The following R3HDM2 variants were observed in gnomAD, a reference collection of about 807,000 sequenced individuals.
The protein encoded by R3HDM2 is R3H domain-containing protein 2.
A neutral mutation model predicts 124.5 loss-of-function variants in R3HDM2; 38 were observed. The ratio of observed to expected loss-of-function variants is 0.31; its 90% CI spans 0.24 to 0.40. The LOEUF is 0.40. Among genes scored for constraint, R3HDM2 ranks in the 10% least tolerant of loss-of-function variants. The pLI, the probability that R3HDM2 is intolerant of heterozygous loss-of-function variation, is 1.00. For missense variants in R3HDM2, 869 were observed against 1,236.9 expected (o/e 0.70, Z 4.46); for synonymous variants, 391 against 448.0 (o/e 0.87, Z 1.61).
intron 17 of R3HDM2, 87 bp from the exon 18 acceptor site, chr12:57,268,544 A>G: frequency 7.3e-7 from 1 of 1,371,588 alleles, no homozygotes; most frequent in Non-Finnish European, 1.0e-6. Flanking sequence ...AGATCAGGGC[A>G]TTACAACTTC....
intron 2 of R3HDM2, among the ~76,000 whole-genome samples, chr12:57,349,592 G>A (rs1339801675): frequency 1.4e-5 from 2 of 147,744 alleles, no homozygotes; most frequent in Non-Finnish European, 3.0e-5. Context: ...ACAGAGTCTC[G>A]CTCTGTCGCC....
intron 2 of R3HDM2, among the ~76,000 whole-genome samples, chr12:57,386,445 TAGCACCTGGGCA>T (rs2065804482): frequency 6.6e-6 from 1 of 152,234 alleles, no homozygotes; most frequent in Non-Finnish European, 1.5e-5. Context: ...GTGAGGGGCT[TAGCACCTGGGCA>T]AGCAGCTGCT....
chr12:57,428,725 T>TA (rs1199305491), intron 1 of R3HDM2, among the ~76,000 whole-genome samples: 1 of 150,418 alleles, frequency 6.6e-6, no homozygotes, highest in Non-Finnish European at 1.5e-5. Flanking sequence ...AATTTTCCAT[T>TA]AAAAAATATT....
chr12:57,326,151 C>G (rs948940351), intron 2 of R3HDM2, among the ~76,000 whole-genome samples: 2 of 152,200 alleles, frequency 1.3e-5, no homozygotes, highest in African/African-American at 2.4e-5. Flanking sequence ...TCCCCGATCT[C>G]TCTCCCTCTC....
intron 1 of R3HDM2, among the ~76,000 whole-genome samples, chr12:57,403,598 C>T (rs1048065909): frequency 6.6e-6 from 1 of 152,016 alleles, no homozygotes; most frequent in Non-Finnish European, 1.5e-5. Context: ...TGCTTGAGCT[C>T]AGGAATTCGA....
intron 2 of R3HDM2, among the ~76,000 whole-genome samples, chr12:57,365,691 T>G (rs2062555883): frequency 6.6e-6 from 1 of 152,170 alleles, no homozygotes; most frequent in Non-Finnish European, 1.5e-5. Context: ...ATCCCAGCAC[T>G]TTGGGAAGCT....
At chr12:57,418,962 T>C (rs2069918764) in intron 1 of R3HDM2, among the ~76,000 whole-genome samples, 1 of 152,212 alleles carries the variant, frequency 6.6e-6, no homozygotes, top group Non-Finnish European at 1.5e-5. Context: ...GCCAGTTTCC[T>C]TTGTAAAATA....
chr12:57,396,526 C>T (rs2067528879), intron 1 of R3HDM2, among the ~76,000 whole-genome samples: 1 of 152,024 alleles, frequency 6.6e-6, no homozygotes, highest in Non-Finnish European at 1.5e-5. Context: ...CGCCTGTAAT[C>T]CCAGCACTTT....
chr12:57,365,753 T>C (rs371544740), intron 2 of R3HDM2, among the ~76,000 whole-genome samples: 2 of 152,172 alleles, frequency 1.3e-5, no homozygotes, highest in African/African-American at 4.8e-5. Flanking sequence ...CTGGCCAACA[T>C]GGTGAAACCC....
Position 57,268,972 on chromosome 12 carries a change from C to A in R3HDM2, c.1825G>T (p.Gly609Cys). 6.2e-7 allele frequency: 1 copy of A among 1,614,164 alleles called. No homozygotes were observed. The highest frequency in any genetic ancestry group is 8.5e-7 in the Non-Finnish European group (1 of 1,180,028). The change falls in exon 17 of 24, where the codon GGC becomes TGC. Residue 609 changes from glycine (G) to cysteine (C), a missense_variant. Physicochemically the swap from Gly to Cys is radical, Grantham distance 159. Coordinates refer to ENST00000402412, the MANE Select transcript of R3HDM2 (RefSeq NM_001394031.1). ...LLSSQRSSMG[G>C]QMQGLVVQYT... is the part of the protein sequence containing the mutation. ...TGAACCACCAGGCCTTGCATCTGGC[C>A]CCCCATGCTGCTCCTCTGGCTGCTG...
At position 57,304,206 on chromosome 12, in the gene R3HDM2, G is replaced by T. The variant is rs149044527; in HGVS notation, c.166-989C>A. On this transcript the variant is annotated intron_variant, in intron 3 of 23. Coordinates refer to ENST00000402412, the MANE Select transcript of R3HDM2 (RefSeq NM_001394031.1). ...AGGGATAAGACCTCCAGAGCAAGGG[G>T]AAGAGAGTGGATAAGGGTCAGGATA... 2.3e-3 allele frequency among the ~76,000 whole-genome samples: 351 copies of T among 152,290 alleles called. 2 individuals are homozygous for T. The highest frequency in any genetic ancestry group is 8.1e-3 in the African/African-American group (336 of 41,568).
chr12:57,338,243 C>T (rs918397765), intron 2 of R3HDM2, among the ~76,000 whole-genome samples: 1 of 152,138 alleles, frequency 6.6e-6, no homozygotes, highest in Non-Finnish European at 1.5e-5. Context: ...GCAGAGGTTG[C>T]GGTGAGCCAA....
chr12:57,299,130 T>C (rs932034408), intron 6 of R3HDM2, among the ~76,000 whole-genome samples: 2 of 152,244 alleles, frequency 1.3e-5, no homozygotes, highest in African/African-American at 4.8e-5. Context: ...CTCCTATGGA[T>C]AATGCCAATG....
chr12:57,257,240 G>C (rs1246051750), intron 21 of R3HDM2, among the ~76,000 whole-genome samples: 3 of 152,178 alleles, frequency 2.0e-5, no homozygotes, highest in Admixed American at 1.3e-4. Context: ...GACTGCCTGG[G>C]TTAAAATAGT....
intron 2 of R3HDM2, among the ~76,000 whole-genome samples, chr12:57,380,016 C>A (rs932702781): frequency 1.3e-5 from 2 of 152,100 alleles, no homozygotes; most frequent in African/African-American, 4.8e-5. Flanking sequence ...CATAATCTCA[C>A]CAGAGAGAAT....
chr12:57,408,109 T>C (rs2068691630), intron 1 of R3HDM2, among the ~76,000 whole-genome samples: 1 of 152,196 alleles, frequency 6.6e-6, no homozygotes, highest in African/African-American at 2.4e-5. Context: ...TTTATTATTT[T>C]AGGAAGAAAC....
At chr12:57,335,243 T>G (rs879593585) in intron 2 of R3HDM2, among the ~76,000 whole-genome samples, 11 of 151,910 alleles carry the variant, frequency 7.2e-5, no homozygotes, top group Non-Finnish European at 1.5e-4. Context: ...AGTCTTGCTC[T>G]GTCACCCAGG....
chr12:57,321,987 T>C (rs1204919026), intron 2 of R3HDM2, among the ~76,000 whole-genome samples: 1 of 152,190 alleles, frequency 6.6e-6, no homozygotes. Flanking sequence ...CCCAGCACTC[T>C]GGGAGGCCAA....
At chr12:57,412,283 T>A (rs1024675438) in intron 1 of R3HDM2, among the ~76,000 whole-genome samples, 3 of 146,324 alleles carry the variant, frequency 2.1e-5, no homozygotes, top group African/African-American at 7.4e-5. Flanking sequence ...GGCTCATGCC[T>A]GTAATCCCAG....
Sources: gnomAD v4.1 joint callset for allele counts (sites outside exome capture counted in the v4.1 genomes callset) on GRCh38, gnomAD v4.1.1 for gene constraint, MANE v1.5 for transcripts, NCBI Gene and HGNC (gene_info 2026-07-23, HGNC 2026-07-21) for gene names.